TMEM248: variants seen among roughly 807,000 people sequenced by gnomAD.
The protein encoded by TMEM248 is UPF0458 protein C7orf42.
Under a neutral mutation model 30.3 loss-of-function variants are expected in TMEM248, and 9 were observed. The ratio of observed to expected loss-of-function variants is 0.30; its 90% CI spans 0.18 to 0.52. TMEM248 has a LOEUF of 0.52. Among genes scored for constraint, TMEM248 ranks in the 20% least tolerant of loss-of-function variants. The pLI is 0.97. For synonymous variants in TMEM248, 184 were observed against 154.4 expected (o/e 1.19, Z -1.42); for missense variants, 338 against 403.3 (o/e 0.84, Z 1.39).
chr7:66,923,950 G>C (rs1399038689), intron 1 of TMEM248, among the ~76,000 whole-genome samples: 2 of 152,236 alleles, frequency 1.3e-5, no homozygotes, highest in Non-Finnish European at 2.9e-5. Context: ...ACAGGCGTGA[G>C]CCACCAGGCC....
intron 2 of TMEM248, among the ~76,000 whole-genome samples, chr7:66,943,508 A>T (rs757105781): frequency 5.9e-5 from 9 of 152,178 alleles, no homozygotes; most frequent in Non-Finnish European, 1.3e-4. Flanking sequence ...TGTATGGGAA[A>T]CATTTGGGGC....
Position 66,934,915 on chromosome 7 carries a change from C to T in TMEM248, c.-18-6933C>T, listed in dbSNP as rs567592590. On this transcript the variant is annotated intron_variant, in intron 1 of 6. Coordinates refer to ENST00000341567, the MANE Select transcript of TMEM248 (RefSeq NM_017994.5). ...TAAAAAAAGACAAAAATTAGCCAGGCATGTTGGCATGCACCTGTAATCTCA... is the reference window on the plus strand; with the variant it reads ...TAAAAAAAGACAAAAATTAGCCAGGTATGTTGGCATGCACCTGTAATCTCA... 5.3e-5 allele frequency among the ~76,000 whole-genome samples: 8 copies of T among 151,994 alleles called. No homozygotes were observed. In the East Asian group the frequency reaches 1.6e-3, roughly 30 times the overall value.
intron 1 of TMEM248, among the ~76,000 whole-genome samples, chr7:66,931,813 T>C (rs1267070063): frequency 7.5e-6 from 1 of 133,460 alleles, no homozygotes; most frequent in African/African-American, 2.9e-5. Flanking sequence ...TTTTTTTTTT[T>C]TTTTTTTTTG....
chr7:66,929,236 T>C (rs1019419403), intron 1 of TMEM248, among the ~76,000 whole-genome samples: 1 of 152,094 alleles, frequency 6.6e-6, no homozygotes, highest in Non-Finnish European at 1.5e-5. Flanking sequence ...CTATATGCCT[T>C]AATTTCCGTA....
chr7:66,941,104 C>T (rs370332967), intron 1 of TMEM248, among the ~76,000 whole-genome samples: 20 of 152,014 alleles, frequency 1.3e-4, no homozygotes, highest in Middle Eastern at 3.4e-3. Context: ...ATAAATTAGC[C>T]GGGCACGGTG....
intron 1 of TMEM248, among the ~76,000 whole-genome samples, chr7:66,924,466 G>A (rs1791470802): frequency 6.6e-6 from 1 of 152,072 alleles, no homozygotes; most frequent in African/African-American, 2.4e-5. Flanking sequence ...GTACAGTGGC[G>A]CGATCTCAGC....
chr7:66,949,064 G>A (rs1441578377), intron 4 of TMEM248, among the ~76,000 whole-genome samples: 1 of 151,858 alleles, frequency 6.6e-6, no homozygotes, highest in African/African-American at 2.4e-5. Context: ...ACTGTGGAAG[G>A]CTGAGGTGGG....
chr7:66,948,734 T>C, intron 4 of TMEM248, 40 bp downstream of exon 4: 1 of 1,580,932 alleles, frequency 6.3e-7, no homozygotes, highest in Non-Finnish European at 8.6e-7. Context: ...CGTAACAAGC[T>C]CCACTTGCCG....
In TMEM248 at chr7:66,954,709, G is replaced by C. The variant is rs79330856; in HGVS notation, c.925-793G>C. ...GCTACCATGCCCAGCCCTCTTTTGT[G>C]TATTTTTGGTTGAATCTGTGGATAT... On this transcript the variant is annotated intron_variant, in intron 6 of 6. Coordinates refer to ENST00000341567, the MANE Select transcript of TMEM248 (RefSeq NM_017994.5). Among the ~76,000 whole-genome samples, 217 of 152,214 alleles carry C rather than the reference G, an allele frequency of 1.4e-3. 6 individuals are homozygous for C. In the East Asian group the frequency reaches 0.041, roughly 29 times the overall value.
chr7:66,938,028 T>G (rs1791850007), intron 1 of TMEM248, among the ~76,000 whole-genome samples: 1 of 152,140 alleles, frequency 6.6e-6, no homozygotes, highest in African/African-American at 2.4e-5. Flanking sequence ...GCCCGGTTAT[T>G]TCTTTATTTC....
At chr7:66,933,551 GATATGT>G (rs1255505891) in intron 1 of TMEM248, among the ~76,000 whole-genome samples, 2 of 152,186 alleles carry the variant, frequency 1.3e-5, no homozygotes, top group Non-Finnish European at 2.9e-5. Context: ...TAACACTATT[GATATGT>G]ATAGCCAAGT....
chr7:66,933,144 G>C (rs1286799156), intron 1 of TMEM248, among the ~76,000 whole-genome samples: 1 of 152,206 alleles, frequency 6.6e-6, no homozygotes, highest in Admixed American at 6.5e-5. Context: ...ACAGGCGTGA[G>C]CCACTGTGCC....
At chr7:66,949,383 G>A (rs1048517649) in intron 4 of TMEM248, among the ~76,000 whole-genome samples, 12 of 152,036 alleles carry the variant, frequency 7.9e-5, no homozygotes, top group African/African-American at 2.9e-4. Context: ...GCTACTCAGA[G>A]GCTAAAGCAG....
Position 66,956,883 on chromosome 7 carries a change from C to T in TMEM248, c.*1361C>T, listed in dbSNP as rs1343623688. On this transcript the variant is annotated 3_prime_UTR_variant, in exon 7 of 7. Transcript: ENST00000341567. ...AGAGACAGAGTCTCCCTCTGTTGCC[C>T]AGGCTGGTCTGGAACTCCTAGCTTC... 1 of 151,412 alleles carries T rather than the reference C, an allele frequency of 6.6e-6. No individual in the cohort carries two copies. Among genetic ancestry groups the T allele is most frequent in the Non-Finnish European group, 1.5e-5 (1 of 67,800 alleles). The allele number at this position is 151,412 out of a possible 1,614,324, so 9.4% of individuals were successfully genotyped here. A position where few individuals can be genotyped will look rare whatever the true frequency, so the allele number is the denominator to read the frequency against.
chr7:66,946,118 C>T (rs1792098601), intron 3 of TMEM248, among the ~76,000 whole-genome samples: 2 of 148,102 alleles, frequency 1.4e-5, no homozygotes, highest in Admixed American at 1.4e-4. Flanking sequence ...GCTGGGCATG[C>T]AGGCATGGTG....
At chr7:66,927,294 A>G (rs558944327) in intron 1 of TMEM248, among the ~76,000 whole-genome samples, 74 of 152,262 alleles carry the variant, frequency 4.9e-4, no homozygotes, top group African/African-American at 1.7e-3. Context: ...GGGAAGTCTG[A>G]GTTTTAGAAG....
intron 1 of TMEM248, among the ~76,000 whole-genome samples, chr7:66,939,319 C>T (rs1178495413): frequency 6.6e-6 from 1 of 152,126 alleles, no homozygotes; most frequent in Non-Finnish European, 1.5e-5. Flanking sequence ...TAACAGGAAC[C>T]CAGCTAGGCC....
intron 1 of TMEM248, among the ~76,000 whole-genome samples, chr7:66,933,090 C>T (rs2129221955): frequency 6.6e-6 from 1 of 152,134 alleles, no homozygotes; most frequent in East Asian, 1.9e-4. Context: ...GAACTCCTGA[C>T]CTCAGGTGAT....
At chr7:66,931,538 CATAGCTCACT>C (rs1791666141) in intron 1 of TMEM248, among the ~76,000 whole-genome samples, 1 of 151,538 alleles carries the variant, frequency 6.6e-6, no homozygotes, top group Non-Finnish European at 1.5e-5. Context: ...GTGGCATGAT[CATAGCTCACT>C]ATAGCTTTGA....
Sources: allele counts gnomAD v4.1 joint callset (sites outside exome capture counted in the v4.1 genomes callset), GRCh38; gene constraint gnomAD v4.1.1; transcripts MANE v1.5; gene names NCBI Gene and HGNC (gene_info 2026-07-23, HGNC 2026-07-21).